Variants in FBXL7 observed in about 807,000 individuals in gnomAD.
The protein encoded by FBXL7 is F-box/LRR-repeat protein 7.
Under a neutral mutation model 38.3 loss-of-function variants are expected in FBXL7, and 12 were observed. The ratio of observed to expected loss-of-function variants is 0.31; its 90% CI spans 0.20 to 0.51. The LOEUF (loss-of-function observed/expected upper bound fraction) is 0.51. Among genes scored for constraint, FBXL7 ranks in the 20% least tolerant of loss-of-function variants. FBXL7 has a pLI of 0.98. For synonymous variants in FBXL7, 297 were observed against 300.9 expected (o/e 0.99, Z 0.13); for missense variants, 567 against 676.4 (o/e 0.84, Z 1.79).
intron 2 of FBXL7, among the ~76,000 whole-genome samples, chr5:15,800,185 T>C (rs1737525095): frequency 6.6e-6 from 1 of 152,140 alleles, no homozygotes; most frequent in African/African-American, 2.4e-5. Context: ...AGAGTGGAAG[T>C]AGATTGATTT....
rs539858244 is a variant in FBXL7 at position 15,500,569 on chromosome 5, A to G, written c.-108A>G. The G allele has an allele frequency of 2.7e-6, 4 of 1,466,548 alleles. No homozygotes were observed. The highest frequency in any genetic ancestry group is 3.8e-6 in the Non-Finnish European group (4 of 1,046,598). The allele number at this position is 1,466,548 out of a possible 1,614,324, so 90.8% of individuals were successfully genotyped here. ...AGGTCGGCCCCGGAGCTTGGGGGGGATGTGCAGCTAACGGTCCCGTCGGGC... is the reference window on the plus strand; with the variant it reads ...AGGTCGGCCCCGGAGCTTGGGGGGGGTGTGCAGCTAACGGTCCCGTCGGGC... On this transcript the variant is annotated 5_prime_UTR_variant, in exon 1 of 4. It removes an upstream start codon present in the reference 5' UTR. Transcript: ENST00000504595.
chr5:15,536,566 C>T (rs538752337), intron 1 of FBXL7, among the ~76,000 whole-genome samples: 8 of 152,286 alleles, frequency 5.3e-5, no homozygotes, highest in South Asian at 2.1e-4. Context: ...TTTGGACTTT[C>T]GTGGGGCCTG....
intron 2 of FBXL7, among the ~76,000 whole-genome samples, chr5:15,872,734 A>C (rs1579549837): frequency 6.6e-6 from 1 of 152,230 alleles, no homozygotes; most frequent in South Asian, 2.1e-4. Flanking sequence ...AGGGTTAACT[A>C]TCCTAAATAT....
chr5:15,723,105 A>G lies in FBXL7; in HGVS notation c.127+107033A>G, dbSNP rs1478655839. 3.3e-5 allele frequency among the ~76,000 whole-genome samples: 5 copies of G among 152,172 alleles called. No individual in the cohort carries two copies. The East Asian group carries it at 9.6e-4, about 29-fold the overall frequency. On this transcript the variant is annotated intron_variant, in intron 2 of 3. Coordinates refer to ENST00000504595, the MANE Select transcript of FBXL7 (RefSeq NM_012304.5). ...GGTAAATTGTATGTAACTGATTATC[A>G]CAGAATGCTTTTACTGATTTTTGCT...
rs188637673 is a variant in FBXL7, at chr5:15,559,599, G to A, written c.38-56384G>A. ...TATTCTGTGGACTGGTTTTCCACAT[G>A]TTCGATGAACAAGGGACAAAAAAAG... On this transcript the variant is annotated intron_variant, in intron 1 of 3. Coordinates refer to ENST00000504595, the MANE Select transcript of FBXL7 (RefSeq NM_012304.5). Among the ~76,000 whole-genome samples, 4 of 152,246 alleles carry A rather than the reference G, an allele frequency of 2.6e-5. No individual in the cohort carries two copies. The East Asian group carries it at 5.8e-4, about 22-fold the overall frequency.
At chr5:15,854,160 G>GTGAAATCCA (rs775516283) in intron 2 of FBXL7, among the ~76,000 whole-genome samples, 3 of 152,160 alleles carry the variant, frequency 2.0e-5, no homozygotes, top group Non-Finnish European at 2.9e-5. Context: ...CAGAGGAGCT[G>GTGAAATCCA]TGAAATCCAT....
intron 2 of FBXL7, among the ~76,000 whole-genome samples, chr5:15,672,487 G>A (rs1366888653): frequency 2.0e-5 from 3 of 151,500 alleles, no homozygotes; most frequent in Non-Finnish European, 2.9e-5. Flanking sequence ...ATTTTATGCT[G>A]GAAATAACAT....
At chr5:15,859,107 AGTGTGAAGTAGATGAT>A (rs1323897676) in intron 2 of FBXL7, among the ~76,000 whole-genome samples, 2 of 152,184 alleles carry the variant, frequency 1.3e-5, no homozygotes, top group Non-Finnish European at 2.9e-5. Flanking sequence ...TCTGTGCCCC[AGTGTGAAGTAGATGAT>A]GCAGTGATTC....
intron 2 of FBXL7, among the ~76,000 whole-genome samples, chr5:15,890,548 G>A (rs1462305503): frequency 3.3e-5 from 5 of 152,128 alleles, no homozygotes; most frequent in Non-Finnish European, 7.3e-5. Context: ...GCTGGCTTTC[G>A]ATTCTTACAG....
chr5:15,714,664 T>C (rs887806587), intron 2 of FBXL7, among the ~76,000 whole-genome samples: 5 of 151,860 alleles, frequency 3.3e-5, no homozygotes, highest in Middle Eastern at 3.4e-3. Context: ...CTAGCTAACA[T>C]GGTGAAACCC....
At chr5:15,663,773 G>T (rs1742169466) in intron 2 of FBXL7, among the ~76,000 whole-genome samples, 1 of 152,106 alleles carries the variant, frequency 6.6e-6, no homozygotes, top group Non-Finnish European at 1.5e-5. Flanking sequence ...ATATTTGCCT[G>T]CTCCTTTATT....
intron 2 of FBXL7, among the ~76,000 whole-genome samples, chr5:15,877,434 A>G (rs1208306167): frequency 1.3e-5 from 2 of 152,208 alleles, no homozygotes; most frequent in Non-Finnish European, 2.9e-5. Context: ...GTTAATTTTC[A>G]TGAGGGATTC....
intron 2 of FBXL7, among the ~76,000 whole-genome samples, chr5:15,626,306 A>G (rs1740815891): frequency 6.6e-6 from 1 of 152,204 alleles, no homozygotes; most frequent in African/African-American, 2.4e-5. Context: ...GTTAATGTTC[A>G]GTGTGCCCAA....
intron 2 of FBXL7, among the ~76,000 whole-genome samples, chr5:15,837,493 T>G (rs1428133928): frequency 6.6e-6 from 1 of 152,152 alleles, no homozygotes; most frequent in East Asian, 1.9e-4. Context: ...ACAGTTAAGT[T>G]TAGTGATGAT....
Position 15,928,359 on chromosome 5 carries a change from C to T in FBXL7, c.597C>T (p.Leu199=), listed in dbSNP as rs916849673. The change falls in exon 3 of 4, where the codon CTC becomes CTT. Residue 199 remains leucine, a synonymous_variant. Transcript: ENST00000504595. The surrounding 1 kb of genome is among the most constrained non-coding windows in gnomAD (Gnocchi z 4.0). ...TAACTGTCAGTGGCTGCAGGCGGCTCACAGACCGAGGGCTGTACACCATCG... is the reference window on the plus strand; with the variant it reads ...TAACTGTCAGTGGCTGCAGGCGGCTTACAGACCGAGGGCTGTACACCATCG... ...ETVTVSGCRR[L]TDRGLYTIAQ... The T allele has an allele frequency of 1.2e-6, 2 of 1,613,956 alleles. No homozygotes were observed. Among genetic ancestry groups the T allele is most frequent in the Non-Finnish European group, 1.7e-6 (2 of 1,179,888 alleles).
At chr5:15,645,970 A>G (rs1580431234) in intron 2 of FBXL7, among the ~76,000 whole-genome samples, 1 of 152,136 alleles carries the variant, frequency 6.6e-6, no homozygotes, top group Non-Finnish European at 1.5e-5. Flanking sequence ...TGTGTTTCTA[A>G]AGAAACTCTT....
At chr5:15,522,952 T>G (rs1417558516) in intron 1 of FBXL7, among the ~76,000 whole-genome samples, 1 of 152,228 alleles carries the variant, frequency 6.6e-6, no homozygotes, top group East Asian at 1.9e-4. Flanking sequence ...CACTATAATG[T>G]CCCATACGGT....
chr5:15,714,395 G>A (rs1390490516), intron 2 of FBXL7, among the ~76,000 whole-genome samples: 1 of 152,172 alleles, frequency 6.6e-6, no homozygotes, highest in African/African-American at 2.4e-5. Context: ...AGTACAGCCT[G>A]TAGCACTGTG....
chr5:15,697,456 G>A (rs1359566701), intron 2 of FBXL7, among the ~76,000 whole-genome samples: 1 of 152,078 alleles, frequency 6.6e-6, no homozygotes, highest in Non-Finnish European at 1.5e-5. Context: ...CAACTAGAGA[G>A]CATATGTAGA....
Sources: gnomAD v4.1 joint callset for allele counts (sites outside exome capture counted in the v4.1 genomes callset) on GRCh38, gnomAD v4.1.1 for gene constraint, Gnocchi (gnomAD v3.1) non-coding constraint, MANE v1.5 for transcripts, NCBI Gene and HGNC (gene_info 2026-07-23, HGNC 2026-07-21) for gene names.